CD302: variants seen among roughly 807,000 people sequenced by gnomAD.
The protein encoded by CD302 is CD302 molecule.
A neutral mutation model predicts 26.5 loss-of-function variants in CD302; 23 were observed. That is an observed-to-expected ratio of 0.87 (90% CI 0.62 to 1.23). The LOEUF is 1.23. Ranked by LOEUF, CD302 falls within the 50% of genes most tolerant of loss-of-function variation. CD302 has a pLI of 0.00. For synonymous variants in CD302, 90 were observed against 99.4 expected, an observed-to-expected ratio of 0.91 and a Z score of 0.56; for missense variants, 290 against 275.5, an observed-to-expected ratio of 1.05 and a Z score of -0.37.
In CD302 at chr2:159,771,979, A is replaced by G. The variant is rs2125788871; in HGVS notation, c.571T>C (p.Phe191Leu). Residue 191 changes from phenylalanine (F) to leucine (L), a missense_variant, in exon 6 of 6, where the codon TTC becomes CTC. Coordinates refer to ENST00000259053, the MANE Select transcript of CD302 (RefSeq NM_014880.5). ...ILTVLGAIIW[F>L]LYKKHSDSRF... The stretch of plus-strand genomic sequence containing the variant: ...GAATCAGAATGTTTTTTGTACAGGA[A>G]CCAAATGATTGCTCCCAAAACTGTC... 6.2e-7 allele frequency: 1 copy of G among 1,614,046 alleles called. No homozygotes were observed. The highest frequency in any genetic ancestry group is 2.2e-5 in the East Asian group (1 of 44,856).
chr2:159,788,396 G>C (rs542595724), intron 1 of CD302, among the ~76,000 whole-genome samples: 2 of 152,168 alleles, frequency 1.3e-5, no homozygotes, highest in African/African-American at 2.4e-5. Flanking sequence ...TACAGGTTCC[G>C]CAAGTTACTG....
intron 5 of CD302, among the ~76,000 whole-genome samples, chr2:159,775,396 G>T (rs1708281690): frequency 6.6e-6 from 1 of 152,280 alleles, no homozygotes; most frequent in East Asian, 1.9e-4. Flanking sequence ...TGAAGCCACA[G>T]ACCTATTTTT....
Position 159,780,216 on chromosome 2 carries a change from T to C in CD302, c.296-38A>G, listed in dbSNP as rs182350513. On this transcript the variant is annotated intron_variant, in intron 3 of 5. Coordinates refer to ENST00000259053, the MANE Select transcript of CD302 (RefSeq NM_014880.5). ...GAATATTTTCAACATTATGACAGTT[T>C]TAAAAGGAGTTCAAGCCAAAAAGGG... The C allele has an allele frequency of 5.3e-4, 855 of 1,602,582 alleles. 3 individuals carry two copies. The highest frequency in any genetic ancestry group is 6.6e-4 in the Non-Finnish European group (769 of 1,172,910).
At chr2:159,787,534 T>C (rs1352822605) in intron 1 of CD302, among the ~76,000 whole-genome samples, 1 of 152,202 alleles carries the variant, frequency 6.6e-6, no homozygotes, top group African/African-American at 2.4e-5. Context: ...CCTTGATTTA[T>C]TAATACCTCA....
At chr2:159,779,934 A>G in intron 4 of CD302, 71 bp downstream of exon 4, 1 of 1,526,838 alleles carries the variant, frequency 6.5e-7, no homozygotes, top group Non-Finnish European at 8.8e-7. Context: ...ACTTATCTCA[A>G]AATTATTTTA....
chr2:159,772,090 A>G (rs1484988980), intron 5 of CD302, 37 bp from the exon 6 acceptor site: 9 of 1,598,020 alleles, frequency 5.6e-6, no homozygotes, highest in Non-Finnish European at 7.7e-6. Context: ...TTGGGAAATT[A>G]GGGTACACAA....
At chr2:159,780,444 GTTAAATA>G (rs1365790878) in intron 3 of CD302, among the ~76,000 whole-genome samples, 9 of 152,116 alleles carry the variant, frequency 5.9e-5, no homozygotes, top group South Asian at 4.2e-4. Flanking sequence ...AAGAAAAATA[GTTAAATA>G]TTAATAGTAA....
At chr2:159,782,797 GTGTA>G (rs1708558495) in intron 2 of CD302, among the ~76,000 whole-genome samples, 1 of 151,572 alleles carries the variant, frequency 6.6e-6, no homozygotes, top group Admixed American at 6.6e-5. Context: ...AGAACACTGA[GTGTA>G]TGGTCTAGCA....
chr2:159,777,545 C>A (rs1277836005), intron 5 of CD302, among the ~76,000 whole-genome samples: 1 of 152,016 alleles, frequency 6.6e-6, no homozygotes, highest in East Asian at 1.9e-4. Context: ...AACATAGGTC[C>A]AAAAGAAGAT....
intron 2 of CD302, among the ~76,000 whole-genome samples, chr2:159,782,767 G>C (rs1405317271): frequency 6.6e-6 from 1 of 150,896 alleles, no homozygotes; most frequent in Non-Finnish European, 1.5e-5. Context: ...ACAATGTGAT[G>C]TTATAAATCT....
At chr2:159,773,133 G>A (rs1430288081) in intron 5 of CD302, among the ~76,000 whole-genome samples, 2 of 152,194 alleles carry the variant, frequency 1.3e-5, no homozygotes, top group African/African-American at 2.4e-5. Flanking sequence ...ATTCTCATGT[G>A]TCAGCCTGGG....
chr2:159,783,148 A>G (rs1708567583), intron 2 of CD302, among the ~76,000 whole-genome samples: 1 of 152,248 alleles, frequency 6.6e-6, no homozygotes, highest in South Asian at 2.1e-4. Context: ...CCTGCTTTGG[A>G]CAATATTGTC....
chr2:159,794,316 AC>A (rs1560052392), intron 1 of CD302, among the ~76,000 whole-genome samples: 1 of 149,018 alleles, frequency 6.7e-6, no homozygotes, highest in African/African-American at 2.4e-5. Flanking sequence ...AAAAAAAAAA[AC>A]ACTAAATAAC....
At chr2:159,785,258 A>ATCTC (rs1708637065) in intron 1 of CD302, among the ~76,000 whole-genome samples, 1 of 152,136 alleles carries the variant, frequency 6.6e-6, no homozygotes, top group Non-Finnish European at 1.5e-5. Flanking sequence ...TACAAGTGAG[A>ATCTC]GCCACTGTGC....
chr2:159,781,911 A>G (rs1433898437), intron 2 of CD302, among the ~76,000 whole-genome samples: 9 of 152,140 alleles, frequency 5.9e-5, no homozygotes, highest in Admixed American at 5.9e-4. Flanking sequence ...TGATTAAGGT[A>G]TCCCTAGTAC....
chr2:159,774,501 C>T lies in CD302; in HGVS notation c.497-2448G>A, dbSNP rs1252062784. On this transcript the variant is annotated intron_variant, in intron 5 of 5. Coordinates refer to ENST00000259053, the MANE Select transcript of CD302 (RefSeq NM_014880.5). The stretch of plus-strand genomic sequence containing the variant: ...GAAACATTTTGTTAGGCTGTAGCCT[C>T]AGGTGAGAGTGCCAACTGTGCATTT... Among the ~76,000 whole-genome samples the T allele has an allele frequency of 4.6e-5, 7 of 152,204 alleles. No individual in the cohort carries two copies. The East Asian group carries it at 1.3e-3, about 29-fold the overall frequency.
intron 1 of CD302, among the ~76,000 whole-genome samples, chr2:159,784,792 G>A (rs1708621558): frequency 6.6e-6 from 1 of 152,120 alleles, no homozygotes; most frequent in Admixed American, 6.6e-5. Context: ...ATGGCAGAGA[G>A]CATTGGTTGT....
intron 4 of CD302, 56 bp downstream of exon 4, chr2:159,779,949 C>G: frequency 6.5e-7 from 1 of 1,546,822 alleles, no homozygotes; most frequent in Non-Finnish European, 8.7e-7. Context: ...ATTTTAAAAC[C>G]AGTCCTACTT....
At position 159,771,656 on chromosome 2, in the gene CD302, T is replaced by A. The variant is rs1708149439; in HGVS notation, c.*195A>T. The A allele has an allele frequency of 3.3e-6, 2 of 610,948 alleles. No homozygotes were observed. The highest frequency in any genetic ancestry group is 2.7e-6 in the Non-Finnish European group (1 of 367,924). The allele number at this position is 610,948 out of a possible 1,614,324, so 37.8% of individuals were successfully genotyped here. A position where few individuals can be genotyped will look rare whatever the true frequency, so the allele number is the denominator to read the frequency against. ...ATGCTTAAAATCACTATATTAGATC[T>A]AAGATCATTTCTAAAACCTGTTTTT... is the stretch of plus-strand genomic sequence containing the variant. On this transcript the variant is annotated 3_prime_UTR_variant, in exon 6 of 6. Coordinates refer to ENST00000259053, the MANE Select transcript of CD302 (RefSeq NM_014880.5).
Sources: allele counts gnomAD v4.1 joint callset (sites outside exome capture counted in the v4.1 genomes callset), GRCh38; gene constraint gnomAD v4.1.1; transcripts MANE v1.5; gene names NCBI Gene and HGNC (gene_info 2026-07-23, HGNC 2026-07-21).